The following ADCY10 variants were observed in gnomAD, a reference collection of about 807,000 sequenced individuals.
ADCY10 encodes adenylate cyclase type 10.
In ADCY10, 156 loss-of-function variants were observed where a neutral mutation model predicts 183.3. The ratio of observed to expected loss-of-function variants is 0.85; its 90% confidence interval spans 0.75 to 0.97. The LOEUF is 0.97. Ranked by LOEUF, ADCY10 falls within the 50% of genes least tolerant of loss-of-function variation. The probability of loss-of-function intolerance (pLI) is 0.00; values close to 1 mark genes in which losing one functional copy is unlikely to be tolerated. For missense variants in ADCY10, 1,745 were observed against 1,934.3 expected (o/e 0.90, Z 1.84); for synonymous variants, 645 against 670.0 (o/e 0.96, Z 0.58).
intron 1 of ADCY10, among the ~76,000 whole-genome samples, chr1:167,913,275 C>T (rs1670266000): frequency 6.6e-6 from 1 of 152,074 alleles, no homozygotes; most frequent in Admixed American, 6.6e-5. Flanking sequence ...TCAGTAGTAC[C>T]CAAAAATGAA....
intron 30 of ADCY10, chr1:167,820,473 G>A (rs901676190): frequency 3.7e-5 from 15 of 402,760 alleles, no homozygotes; most frequent in Admixed American, 4.4e-5. Context: ...GGACACAGCT[G>A]TTTAAAAAAT....
At chr1:167,874,215 C>T (rs1020048213) in intron 13 of ADCY10, among the ~76,000 whole-genome samples, 2 of 152,116 alleles carry the variant, frequency 1.3e-5, no homozygotes, top group Admixed American at 1.3e-4. Flanking sequence ...CCTGTAATCC[C>T]AGCTACTCAG....
chr1:167,810,681 T>A lies in ADCY10; in HGVS notation c.4671+44A>T, dbSNP rs564883072. Reference sequence around the variant, plus strand: ...CAGTAGGCTTCTGGGCTTCTTTATATGGGTGAGCATCGCCACCCCGGTTTG... The same window carrying A: ...CAGTAGGCTTCTGGGCTTCTTTATAAGGGTGAGCATCGCCACCCCGGTTTG... On this transcript the variant is annotated intron_variant, in intron 32 of 32. Coordinates refer to ENST00000367851, the MANE Select transcript of ADCY10 (RefSeq NM_018417.6). 6.9e-6 allele frequency: 11 copies of A among 1,594,126 alleles called. No homozygotes were observed. In the South Asian group the frequency reaches 1.2e-4, roughly 18 times the overall value.
chr1:167,908,629 A>G (rs997857653), intron 1 of ADCY10, among the ~76,000 whole-genome samples: 1 of 152,230 alleles, frequency 6.6e-6, no homozygotes, highest in African/African-American at 2.4e-5. Flanking sequence ...TAATGTATAC[A>G]TATATTAAAA....
chr1:167,888,136 T>C (rs575617700), intron 8 of ADCY10, among the ~76,000 whole-genome samples: 4 of 152,364 alleles, frequency 2.6e-5, no homozygotes, highest in South Asian at 4.1e-4. Flanking sequence ...CACTGGTCTA[T>C]GTGTCTGTTT....
chr1:167,836,660 C>T lies in ADCY10; in HGVS notation c.3078-120G>A, dbSNP rs1361532859. 20 of 715,242 alleles carry T rather than the reference C, an allele frequency of 2.8e-5. No homozygotes were observed. The Admixed American group carries it at 3.1e-4, about 11-fold the overall frequency. The allele number at this position is 715,242 out of a possible 1,614,324, so 44.3% of individuals were successfully genotyped here. On this transcript the variant is annotated intron_variant, in intron 22 of 32. Coordinates refer to ENST00000367851, the MANE Select transcript of ADCY10 (RefSeq NM_018417.6). Reference sequence around the variant, plus strand: ...ATTCCAGCAGTTTGGGAGGCCGAAGCTGGTGGATCATCTGAGATCAGGAGT... The same window carrying T: ...ATTCCAGCAGTTTGGGAGGCCGAAGTTGGTGGATCATCTGAGATCAGGAGT...
chr1:167,862,114 C>A (rs887701264), intron 14 of ADCY10, among the ~76,000 whole-genome samples: 8 of 152,220 alleles, frequency 5.3e-5, no homozygotes. Context: ...TATCTCTCTC[C>A]TCCTCTTCTG....
At chr1:167,887,834 G>A (rs947163773) in intron 8 of ADCY10, among the ~76,000 whole-genome samples, 73 of 149,656 alleles carry the variant, frequency 4.9e-4, no homozygotes, top group African/African-American at 1.7e-3. Context: ...TTGGTTGCCT[G>A]TGCTTGTGGG....
intron 21 of ADCY10, among the ~76,000 whole-genome samples, chr1:167,839,681 G>A (rs1397083372): frequency 6.6e-6 from 1 of 152,020 alleles, no homozygotes; most frequent in African/African-American, 2.4e-5. Flanking sequence ...TTCATTGTCT[G>A]TCAGTTGCCA....
intron 5 of ADCY10, 25 bp downstream of exon 5, chr1:167,901,637 G>GGGTCAA: frequency 6.2e-7 from 1 of 1,612,430 alleles, no homozygotes; most frequent in African/African-American, 1.3e-5. Flanking sequence ...GCTGCCGTAG[G>GGGTCAA]ATTTATTCCT....
intron 21 of ADCY10, among the ~76,000 whole-genome samples, chr1:167,840,290 A>C (rs1243279330): frequency 6.6e-6 from 1 of 152,126 alleles, no homozygotes; most frequent in Non-Finnish European, 1.5e-5. Context: ...AGATAAAGCA[A>C]ATAGAATCAG....
chr1:167,861,680 A>T (rs1666297278), intron 14 of ADCY10, among the ~76,000 whole-genome samples: 1 of 152,084 alleles, frequency 6.6e-6, no homozygotes, highest in Admixed American at 6.5e-5. Flanking sequence ...CTGAACTTCC[A>T]CAATTCTCTA....
intron 15 of ADCY10, among the ~76,000 whole-genome samples, chr1:167,860,529 G>C (rs1666214061): frequency 6.6e-6 from 1 of 152,192 alleles, no homozygotes; most frequent in South Asian, 2.1e-4. Context: ...GGACCCCTGT[G>C]TTAGATAATT....
Position 167,856,381 on chromosome 1 carries a change from G to A in ADCY10, c.1955C>T (p.Thr652Ile). The change falls in exon 17 of 33, where the codon ACC becomes ATC. Residue 652 changes from threonine (T) to isoleucine (I), a missense_variant. Physicochemically the swap from Thr to Ile is moderately conservative, Grantham distance 89. Coordinates refer to ENST00000367851, the MANE Select transcript of ADCY10 (RefSeq NM_018417.6). ...AAGCTTCTCCATAAATCTCCAGGAG[G>A]TCGAATCCACAAACTGGGCCTCATC... ...IIDEAQFVDS[T>I]SWRFMEKLIR... 1 of 1,614,172 alleles carries A rather than the reference G, an allele frequency of 6.2e-7. No individual in the cohort carries two copies. The highest frequency in any genetic ancestry group is 8.5e-7 in the Non-Finnish European group (1 of 1,180,002).
rs749682505 is a variant in ADCY10, at chr1:167,810,516, G to A, written c.4671+209C>T. Reference sequence around the variant, plus strand: ...GCAAAAGGCACCATCTGTGAGGAACGGACCCTCACCAGACAGCGAATCTCC... The same window carrying A: ...GCAAAAGGCACCATCTGTGAGGAACAGACCCTCACCAGACAGCGAATCTCC... On this transcript the variant is annotated intron_variant, in intron 32 of 32. Transcript: ENST00000367851. Among the ~76,000 whole-genome samples the A allele has an allele frequency of 5.3e-5, 8 of 152,232 alleles. No individual in the cohort carries two copies. The South Asian group carries it at 1.2e-3, about 24-fold the overall frequency.
At chr1:167,913,047 T>A (rs536676264) in intron 1 of ADCY10, among the ~76,000 whole-genome samples, 7 of 152,350 alleles carry the variant, frequency 4.6e-5, no homozygotes, top group African/African-American at 1.7e-4. Flanking sequence ...AGGTTTAATT[T>A]AAGAGCACTT....
chr1:167,901,021 T>C lies in ADCY10; in HGVS notation c.436+641A>G, dbSNP rs373743933. Among the ~76,000 whole-genome samples, 131 of 152,296 alleles carry C rather than the reference T, an allele frequency of 8.6e-4. 1 individual carries two copies. The South Asian group carries it at 0.025, about 29-fold the overall frequency. ...AACTCTGTTACTCATTACTTATACC[T>C]CTCAGAATCTCATTTTTCATCTATG... On this transcript the variant is annotated intron_variant, in intron 5 of 32. Coordinates refer to ENST00000367851, the MANE Select transcript of ADCY10 (RefSeq NM_018417.6).
rs186800168 is a variant in ADCY10 at position 167,912,755 on chromosome 1, G to A, written c.-59+1221C>T. 4.8e-3 allele frequency among the ~76,000 whole-genome samples: 726 copies of A among 152,280 alleles called. 2 individuals carry two copies. The highest frequency in any genetic ancestry group is 7.2e-3 in the Non-Finnish European group (489 of 68,022). ...GTCTGTGTCGTTTTATCTAAACCGGGATGAGGACTAAGAACCTTGGTGTTC... is the reference window on the plus strand; with the variant it reads ...GTCTGTGTCGTTTTATCTAAACCGGAATGAGGACTAAGAACCTTGGTGTTC... On this transcript the variant is annotated intron_variant, in intron 1 of 32. Coordinates refer to ENST00000367851, the MANE Select transcript of ADCY10 (RefSeq NM_018417.6).
intron 31 of ADCY10, among the ~76,000 whole-genome samples, chr1:167,814,033 T>C (rs944252201): frequency 2.0e-5 from 3 of 152,012 alleles, no homozygotes; most frequent in African/African-American, 7.2e-5. Flanking sequence ...AAAAATTAAA[T>C]GCAAAATAAG....
Sources: gnomAD v4.1 joint callset for allele counts (sites outside exome capture counted in the v4.1 genomes callset) on GRCh38, gnomAD v4.1.1 for gene constraint, MANE v1.5 for transcripts, NCBI Gene and HGNC (gene_info 2026-07-23, HGNC 2026-07-21) for gene names.